Variants in CGGBP1 observed in about 807,000 individuals in gnomAD.
The protein encoded by CGGBP1 is CGG triplet repeat-binding protein 1.
Under a neutral mutation model 11.4 loss-of-function variants are expected in CGGBP1, and 4 were observed. The ratio of observed to expected loss-of-function variants is 0.35; its 90% confidence interval spans 0.17 to 0.80. CGGBP1 has a LOEUF of 0.80. CGGBP1 is among the 30% of genes least tolerant of loss of function. The pLI, the probability that CGGBP1 is intolerant of heterozygous loss-of-function variation, is 0.52. For synonymous variants in CGGBP1, 76 were observed against 74.1 expected, an observed-to-expected ratio of 1.03 and a Z score of -0.13; for missense variants, 135 against 202.1, an observed-to-expected ratio of 0.67 and a Z score of 2.01.
intron 2 of CGGBP1, among the ~76,000 whole-genome samples, chr3:88,066,457 C>T (rs922573694): frequency 7.2e-5 from 11 of 152,008 alleles, no homozygotes; most frequent in Non-Finnish European, 1.2e-4. Context: ...ACCTGTAGTC[C>T]CAGCTACTTG....
intron 2 of CGGBP1, among the ~76,000 whole-genome samples, chr3:88,119,516 G>A (rs9839322): frequency 0.78 from 115,136 of 146,860 alleles, 46,055 homozygotes; most frequent in South Asian, 0.91. Context: ...CAATGTGCAC[G>A]TGTACCCTAA....
intron 2 of CGGBP1, chr3:88,135,236 A>T: frequency 7.3e-7 from 1 of 1,369,704 alleles, no homozygotes; most frequent in East Asian, 2.9e-5. Context: ...TAAATTTAAA[A>T]TTGAGTGACA....
In CGGBP1 at chr3:88,052,534, T is replaced by C. The variant is rs1706451436; in HGVS notation, c.*2939A>G. 1 of 152,754 alleles carries C rather than the reference T, an allele frequency of 6.5e-6. No homozygotes were observed. Among genetic ancestry groups the C allele is most frequent in the African/African-American group, 2.4e-5 (1 of 41,576 alleles). 9.5% of individuals were successfully genotyped at this position (152,754 alleles called of 1,614,324 possible). A position where few individuals can be genotyped will look rare whatever the true frequency, so the allele number is the denominator to read the frequency against. On this transcript the variant is annotated 3_prime_UTR_variant, in exon 4 of 4. Coordinates refer to ENST00000482016, the MANE Select transcript of CGGBP1 (RefSeq NM_001008390.2). The stretch of plus-strand genomic sequence containing the variant: ...ATGTGCAAATTCTTACAGGCAAAAG[T>C]TTTAACGTGGAAGTTTCAGCTTGGA...
At chr3:88,127,294 G>T (rs1460706344) in intron 2 of CGGBP1, among the ~76,000 whole-genome samples, 3 of 152,154 alleles carry the variant, frequency 2.0e-5, no homozygotes, top group Non-Finnish European at 4.4e-5. Context: ...AGGGTGGGTT[G>T]TGAATGCAGT....
chr3:88,102,637 A>G (rs1704492507), intron 2 of CGGBP1, among the ~76,000 whole-genome samples: 2 of 152,152 alleles, frequency 1.3e-5, no homozygotes, highest in South Asian at 4.1e-4. Flanking sequence ...TGTAAATCCA[A>G]TAGAATAGTG....
chr3:88,132,252 G>A (rs1342614127), intron 2 of CGGBP1, among the ~76,000 whole-genome samples: 3 of 152,030 alleles, frequency 2.0e-5, no homozygotes, highest in African/African-American at 7.2e-5. Flanking sequence ...AAAAAATTCT[G>A]TATTGTAAGG....
chr3:88,126,129 C>T, intron 2 of CGGBP1: 8 of 1,497,838 alleles, frequency 5.3e-6, no homozygotes, highest in Non-Finnish European at 7.1e-6. Flanking sequence ...ATTTTTCTCT[C>T]CTAGGAATGC....
chr3:88,092,955 AGT>A (rs950634688), intron 2 of CGGBP1, among the ~76,000 whole-genome samples: 2 of 152,162 alleles, frequency 1.3e-5, no homozygotes, highest in Non-Finnish European at 1.5e-5. Context: ...TTTATACTTG[AGT>A]GTTATTTCAG....
chr3:88,078,546 T>G (rs923487604), intron 2 of CGGBP1, among the ~76,000 whole-genome samples: 2 of 152,104 alleles, frequency 1.3e-5, no homozygotes, highest in Admixed American at 6.5e-5. Context: ...TCCAAAAAGG[T>G]AGGTTATGGG....
intron 2 of CGGBP1, among the ~76,000 whole-genome samples, chr3:88,125,141 G>A (rs1197613211): frequency 6.6e-6 from 1 of 151,686 alleles, no homozygotes; most frequent in African/African-American, 2.4e-5. Flanking sequence ...CTTGAACCTG[G>A]GAGGCAGAGG....
At chr3:88,149,424 G>T (rs1000826514) in intron 1 of CGGBP1, among the ~76,000 whole-genome samples, 1 of 152,260 alleles carries the variant, frequency 6.6e-6, no homozygotes, top group Non-Finnish European at 1.5e-5. Context: ...GGCAAGAGAC[G>T]GTCCCGGCGT....
intron 2 of CGGBP1, among the ~76,000 whole-genome samples, chr3:88,067,015 G>C (rs1425739603): frequency 1.3e-5 from 2 of 152,130 alleles, no homozygotes; most frequent in Non-Finnish European, 2.9e-5. Flanking sequence ...CTAAAGTCTA[G>C]TACATTAACA....
chr3:88,054,133 G>A lies in CGGBP1; in HGVS notation c.*1340C>T, dbSNP rs1480447101. On this transcript the variant is annotated 3_prime_UTR_variant, in exon 4 of 4. Transcript: ENST00000482016. ...GTCAAAGATAACTCCAAGTCACACAGGGCATCATTTGTCACTGCTTTGTAA... is the reference window on the plus strand; with the variant it reads ...GTCAAAGATAACTCCAAGTCACACAAGGCATCATTTGTCACTGCTTTGTAA... 6.6e-6 allele frequency: 1 copy of A among 152,490 alleles called. No individual in the cohort carries two copies. Among genetic ancestry groups the A allele is most frequent in the East Asian group, 1.9e-4 (1 of 5,202 alleles). 9.4% of individuals were successfully genotyped at this position (152,490 alleles called of 1,614,324 possible). A position where few individuals can be genotyped will look rare whatever the true frequency, so the allele number is the denominator to read the frequency against.
chr3:88,080,324 A>C (rs899368732), intron 2 of CGGBP1, among the ~76,000 whole-genome samples: 5 of 152,146 alleles, frequency 3.3e-5, no homozygotes, highest in African/African-American at 1.2e-4. Flanking sequence ...TCACTAAAGC[A>C]AGCTTAATTT....
intron 2 of CGGBP1, among the ~76,000 whole-genome samples, chr3:88,090,199 A>G (rs1280688644): frequency 6.6e-6 from 1 of 152,184 alleles, no homozygotes; most frequent in Non-Finnish European, 1.5e-5. Context: ...GTTCTTCTGA[A>G]GGCATTCCAG....
chr3:88,116,724 G>C (rs112187911), intron 2 of CGGBP1, among the ~76,000 whole-genome samples: 1,668 of 152,130 alleles, frequency 0.011, 23 homozygotes, highest in African/African-American at 0.038. Context: ...CCATTACCCA[G>C]AGGTAAGAAA....
chr3:88,130,617 A>ATTTT (rs10674029), intron 2 of CGGBP1, among the ~76,000 whole-genome samples: 4,315 of 129,122 alleles, frequency 0.033, 169 homozygotes, highest in African/African-American at 0.073. Context: ...TGCCCAGCTA[A>ATTTT]TTTTTTTTTT....
intron 2 of CGGBP1, among the ~76,000 whole-genome samples, chr3:88,124,465 TCTC>T (rs1363922569): frequency 9.8e-5 from 15 of 152,312 alleles, no homozygotes; most frequent in African/African-American, 3.4e-4. Flanking sequence ...ACTACTTTCT[TCTC>T]TCATAAAACA....
At chr3:88,092,686 T>G (rs1703817142) in intron 2 of CGGBP1, among the ~76,000 whole-genome samples, 1 of 152,216 alleles carries the variant, frequency 6.6e-6, no homozygotes, top group Non-Finnish European at 1.5e-5. Flanking sequence ...GTTTATTAAA[T>G]AATGTTATAA....
Sources: allele counts gnomAD v4.1 joint callset (sites outside exome capture counted in the v4.1 genomes callset), GRCh38; gene constraint gnomAD v4.1.1; transcripts MANE v1.5; gene names NCBI Gene and HGNC (gene_info 2026-07-23, HGNC 2026-07-21).